The following TANC2 variants were observed in gnomAD, a reference collection of about 807,000 sequenced individuals.
TANC2 encodes tetratricopeptide repeat, ankyrin repeat and coiled-coil containing 2, also known as protein TANC2.
Under a neutral mutation model 210.5 loss-of-function variants are expected in TANC2, and 26 were observed. That is an observed-to-expected ratio of 0.12 (90% CI 0.09 to 0.17). TANC2 has a LOEUF of 0.17. Among genes scored for constraint, TANC2 ranks in the 10% least tolerant of loss-of-function variants. The probability of loss-of-function intolerance (pLI) is 1.00; values close to 1 mark genes in which losing one functional copy is unlikely to be tolerated. For missense variants in TANC2, 2,129 were observed against 2,608.9 expected (o/e 0.82, Z 4.01); for synonymous variants, 931 against 967.1 (o/e 0.96, Z 0.69).
At chr17:63,105,152 G>A (rs1475320938) in intron 4 of TANC2, among the ~76,000 whole-genome samples, 3 of 151,622 alleles carry the variant, frequency 2.0e-5, no homozygotes, top group Admixed American at 1.3e-4. Flanking sequence ...ACTTTTCTGA[G>A]GAGTAATCTT....
intron 14 of TANC2, among the ~76,000 whole-genome samples, chr17:63,369,100 C>T (rs1370818122): frequency 6.6e-6 from 1 of 152,122 alleles, no homozygotes; most frequent in Non-Finnish European, 1.5e-5. Flanking sequence ...GCACGGGGAT[C>T]CTTGCTAGAA....
chr17:63,016,417 A>T (rs1268948701), intron 2 of TANC2, among the ~76,000 whole-genome samples: 4 of 152,174 alleles, frequency 2.6e-5, no homozygotes, highest in Non-Finnish European at 5.9e-5. Flanking sequence ...TCTACAAAAA[A>T]AATTTTTTTA....
chr17:63,416,741 A>G (rs2048873569), intron 26 of TANC2, among the ~76,000 whole-genome samples: 1 of 152,116 alleles, frequency 6.6e-6, no homozygotes, highest in South Asian at 2.1e-4. Context: ...GTTAAACCTG[A>G]CTGTCTCAGA....
intron 7 of TANC2, among the ~76,000 whole-genome samples, chr17:63,235,031 C>T (rs950375860): frequency 6.6e-6 from 1 of 151,884 alleles, no homozygotes; most frequent in Non-Finnish European, 1.5e-5. Flanking sequence ...GAATATCTTG[C>T]TTAAAATGTA....
intron 8 of TANC2, among the ~76,000 whole-genome samples, chr17:63,247,037 C>T (rs1424030156): frequency 6.6e-6 from 1 of 152,034 alleles, no homozygotes; most frequent in East Asian, 1.9e-4. Context: ...TTCCTAATGA[C>T]TGCTAATGTT....
chr17:63,409,281 C>T (rs1176308316), intron 21 of TANC2, among the ~76,000 whole-genome samples: 1 of 152,078 alleles, frequency 6.6e-6, no homozygotes, highest in Non-Finnish European at 1.5e-5. Context: ...AAGCGATCCT[C>T]CCATCTCATC....
chr17:63,324,824 C>G (rs2045596417), intron 11 of TANC2, among the ~76,000 whole-genome samples: 1 of 152,052 alleles, frequency 6.6e-6, no homozygotes, highest in Admixed American at 6.5e-5. Flanking sequence ...CCACCATATC[C>G]CCAGCTCCTA....
intron 2 of TANC2, among the ~76,000 whole-genome samples, chr17:63,026,573 G>A (rs1382192687): frequency 6.6e-6 from 1 of 152,088 alleles, no homozygotes; most frequent in African/African-American, 2.4e-5. Flanking sequence ...GAAATAATTT[G>A]TTCTGAAATT....
intron 5 of TANC2, among the ~76,000 whole-genome samples, chr17:63,177,709 C>T (rs1161225722): frequency 6.6e-6 from 1 of 152,164 alleles, no homozygotes. Context: ...TTGAGCTCAT[C>T]ATCTGTGATT....
chr17:63,046,528 C>T (rs572536782), intron 2 of TANC2, among the ~76,000 whole-genome samples: 4 of 151,842 alleles, frequency 2.6e-5, no homozygotes, highest in African/African-American at 9.7e-5. Flanking sequence ...GACAGGGTTT[C>T]ACCGTGTTGG....
At position 63,340,360 on chromosome 17, in the gene TANC2, A is replaced by G. The variant is rs1453538883; in HGVS notation, c.1807+28A>G. On this transcript the variant is annotated intron_variant, in intron 12 of 27. Transcript: ENST00000689528. Reference sequence around the variant, plus strand: ...ACAGATAAGGCCCAAAGGAGGGGAAAGATGGAGGTTTAGAGCCCAAGTTCA... The same window carrying G: ...ACAGATAAGGCCCAAAGGAGGGGAAGGATGGAGGTTTAGAGCCCAAGTTCA... The G allele has an allele frequency of 2.5e-6, 4 of 1,596,420 alleles. No homozygotes were observed. The Admixed American group carries it at 6.8e-5, about 27-fold the overall frequency.
chr17:63,014,146 T>C (rs750952716), intron 2 of TANC2, among the ~76,000 whole-genome samples: 1 of 152,178 alleles, frequency 6.6e-6, no homozygotes, highest in Non-Finnish European at 1.5e-5. Context: ...TCTGCTATCA[T>C]GTCTACTGAA....
chr17:63,167,223 A>T (rs947684280), intron 5 of TANC2, among the ~76,000 whole-genome samples: 2 of 152,238 alleles, frequency 1.3e-5, no homozygotes, highest in African/African-American at 4.8e-5. Context: ...TCTGTGAAAT[A>T]GAGGTAATAA....
chr17:63,187,767 C>G (rs2041045405), intron 5 of TANC2, among the ~76,000 whole-genome samples: 1 of 151,780 alleles, frequency 6.6e-6, no homozygotes, highest in East Asian at 1.9e-4. Flanking sequence ...TAAAATCAGT[C>G]AGAAAAATCA....
At chr17:63,178,128 G>C (rs1031840393) in intron 5 of TANC2, among the ~76,000 whole-genome samples, 1 of 152,286 alleles carries the variant, frequency 6.6e-6, no homozygotes, top group South Asian at 2.1e-4. Flanking sequence ...TCAGGAGATC[G>C]AGACCATCGT....
chr17:63,370,935 C>T (rs1322049625), intron 14 of TANC2, among the ~76,000 whole-genome samples: 1 of 152,204 alleles, frequency 6.6e-6, no homozygotes, highest in Non-Finnish European at 1.5e-5. Context: ...CCAACAAGAA[C>T]TCTTGACTTG....
chr17:63,161,717 C>T lies in TANC2; in HGVS notation c.433+10337C>T, dbSNP rs548492161. On this transcript the variant is annotated intron_variant, in intron 5 of 27. Coordinates refer to ENST00000689528, the Ensembl canonical transcript of TANC2. ...ACTTTGTTGGTATTCTCATTCAGGC[C>T]CACATCTTTTAAGGACATGTATATA... Among the ~76,000 whole-genome samples the T allele has an allele frequency of 1.6e-4, 24 of 152,174 alleles. No homozygotes were observed. The South Asian group carries it at 5.0e-3, about 32-fold the overall frequency.
At chr17:63,292,047 G>A (rs902469099) in intron 9 of TANC2, among the ~76,000 whole-genome samples, 1 of 152,128 alleles carries the variant, frequency 6.6e-6, no homozygotes, top group African/African-American at 2.4e-5. Flanking sequence ...TAAGGTAAGC[G>A]AGATAAATTT....
At position 63,028,110 on chromosome 17, in the gene TANC2, C is replaced by T. The variant is rs374753819; in HGVS notation, c.67+18484C>T. Among the ~76,000 whole-genome samples, 38 of 152,040 alleles carry T rather than the reference C, an allele frequency of 2.5e-4. No homozygotes were observed. The East Asian group carries it at 6.4e-3, about 26-fold the overall frequency. ...GGAGCCCCAAATGGATCTTTAATAC[C>T]TTACCGAGATGGAAAATAAGCTGGT... is the stretch of plus-strand genomic sequence containing the variant. On this transcript the variant is annotated intron_variant, in intron 2 of 27. Coordinates refer to ENST00000689528, the Ensembl canonical transcript of TANC2.
Sources: allele counts gnomAD v4.1 joint callset (sites outside exome capture counted in the v4.1 genomes callset), GRCh38; gene constraint gnomAD v4.1.1; transcripts MANE v1.5; gene names NCBI Gene and HGNC (gene_info 2026-07-23, HGNC 2026-07-21).